Variants in DOCK4 observed in about 807,000 individuals in gnomAD.
DOCK4 encodes the protein dedicator of cytokinesis protein 4.
Under a neutral mutation model 268.1 loss-of-function variants are expected in DOCK4, and 97 were observed. The observed-to-expected ratio is 0.36, with a 90% CI of 0.31 to 0.43. DOCK4 has a LOEUF of 0.43. DOCK4 is among the 20% of genes least tolerant of loss of function. The probability of loss-of-function intolerance (pLI) is 1.00; values close to 1 mark genes in which losing one functional copy is unlikely to be tolerated. For missense variants in DOCK4, 2,145 were observed against 2,455.7 expected (o/e 0.87, Z 2.67); for synonymous variants, 954 against 887.2 (o/e 1.08, Z -1.34).
At chr7:112,195,215 G>A (rs901998861) in intron 1 of DOCK4, among the ~76,000 whole-genome samples, 9 of 152,168 alleles carry the variant, frequency 5.9e-5, no homozygotes, top group African/African-American at 2.2e-4. Context: ...GGAAGCAGAG[G>A]TTGTAGTGAG....
In DOCK4 at chr7:111,977,205, T is replaced by G; in HGVS notation, c.628A>C (p.Met210Leu). The change falls in exon 8 of 53, where the codon ATG becomes CTG. Residue 210 changes from methionine (M) to leucine (L), a missense_variant. Transcript: ENST00000428084. ...HHLFVQMKSLMCSNLGEELEV... is the reference protein window; with the variant it reads ...HHLFVQMKSLLCSNLGEELEV... ...AGCTCCTCTCCCAGGTTGGAACACA[T>G]GAGGCTCTTCATCTGGACAAAGAGG... 3 of 1,612,280 alleles carry G rather than the reference T, an allele frequency of 1.9e-6. No homozygotes were observed. Among genetic ancestry groups the G allele is most frequent in the Non-Finnish European group, 2.5e-6 (3 of 1,179,258 alleles).
chr7:111,739,081 A>G, intron 49 of DOCK4, 53 bp downstream of exon 49: 2 of 1,499,282 alleles, frequency 1.3e-6, no homozygotes, highest in Non-Finnish European at 9.3e-7. Flanking sequence ...GAGATAGGTA[A>G]GCAATTCCAG....
chr7:111,848,125 TC>T (rs1804260660), intron 23 of DOCK4, among the ~76,000 whole-genome samples: 1 of 152,218 alleles, frequency 6.6e-6, no homozygotes, highest in African/African-American at 2.4e-5. Context: ...TTTTCTTCTA[TC>T]CTTTGTCTGT....
At chr7:111,832,422 T>G (rs1802901953) in intron 26 of DOCK4, among the ~76,000 whole-genome samples, 1 of 152,244 alleles carries the variant, frequency 6.6e-6, no homozygotes, top group Non-Finnish European at 1.5e-5. Flanking sequence ...GTTACATCCC[T>G]AGTGCGTGGT....
At chr7:111,890,234 T>C (rs1808181121) in intron 16 of DOCK4, among the ~76,000 whole-genome samples, 1 of 152,228 alleles carries the variant, frequency 6.6e-6, no homozygotes, top group South Asian at 2.1e-4. Context: ...TTCTCTTTTC[T>C]TAACTTTTTC....
At chr7:112,163,895 A>G (rs1280703176) in intron 1 of DOCK4, among the ~76,000 whole-genome samples, 1 of 152,214 alleles carries the variant, frequency 6.6e-6, no homozygotes, top group African/African-American at 2.4e-5. Context: ...TCTAGCACAT[A>G]TTCATCCATC....
chr7:111,886,491 C>A (rs2134321557), intron 16 of DOCK4, among the ~76,000 whole-genome samples: 1 of 152,210 alleles, frequency 6.6e-6, no homozygotes, highest in Non-Finnish European at 1.5e-5. Context: ...CACTAGAAAC[C>A]AGTTCTGCTG....
intron 30 of DOCK4, among the ~76,000 whole-genome samples, chr7:111,791,544 C>A (rs1391815117): frequency 6.6e-6 from 1 of 151,794 alleles, no homozygotes; most frequent in African/African-American, 2.4e-5. Context: ...GCCTCCCAGG[C>A]TGAAGCACAT....
intron 6 of DOCK4, among the ~76,000 whole-genome samples, chr7:111,987,724 T>A (rs924195395): frequency 1.3e-5 from 2 of 152,216 alleles, no homozygotes; most frequent in Non-Finnish European, 2.9e-5. Flanking sequence ...CTTCAACAGA[T>A]GAGGAACTGA....
intron 2 of DOCK4, among the ~76,000 whole-genome samples, chr7:112,002,628 T>C (rs1351026936): frequency 1.3e-5 from 2 of 152,142 alleles, no homozygotes; most frequent in Non-Finnish European, 2.9e-5. Context: ...TCATCTATAA[T>C]AAACCTTGAT....
chr7:112,002,222 C>T (rs1339023536), intron 2 of DOCK4, among the ~76,000 whole-genome samples: 2 of 152,110 alleles, frequency 1.3e-5, no homozygotes, highest in African/African-American at 4.8e-5. Context: ...AAATCAGAAT[C>T]TCTATATCTC....
At chr7:111,926,870 A>AGAAAGGAAGG (rs1562896413) in intron 12 of DOCK4, among the ~76,000 whole-genome samples, 2 of 149,900 alleles carry the variant, frequency 1.3e-5, no homozygotes, top group Admixed American at 1.3e-4. Flanking sequence ...AGAGAGAGAG[A>AGAAAGGAAGG]AAGGAAGGAA....
intron 12 of DOCK4, among the ~76,000 whole-genome samples, chr7:111,916,502 A>G (rs1792598197): frequency 6.6e-6 from 1 of 152,202 alleles, no homozygotes; most frequent in Admixed American, 6.5e-5. Context: ...AGTGAGGAGA[A>G]TTTAGCAGAA....
intron 36 of DOCK4, among the ~76,000 whole-genome samples, chr7:111,770,233 A>G (rs1021505699): frequency 6.7e-6 from 1 of 149,450 alleles, no homozygotes; most frequent in Non-Finnish European, 1.5e-5. Context: ...CAAAAAAAAA[A>G]AAAAAAAGAA....
rs147414353 is a variant in DOCK4, at chr7:111,747,315, A to G, written c.4545T>C (p.Asn1515=). 9.9e-4 allele frequency: 1,604 copies of G among 1,613,740 alleles called. 14 individuals carry two copies. In the African/African-American group the frequency reaches 0.019, roughly 19 times the overall value. The change falls in exon 43 of 53, where the codon AAT becomes AAC. Residue 1515 remains asparagine (N), a synonymous_variant. Coordinates refer to ENST00000428084, the MANE Select transcript of DOCK4 (RefSeq NM_001363540.2). Reference sequence around the variant, plus strand: ...CATTAACTGCAGCATCTATAACTCCATTCAGGCACATAGTCAGGGGATTAA... The same window carrying G: ...CATTAACTGCAGCATCTATAACTCCGTTCAGGCACATAGTCAGGGGATTAA... The part of the protein sequence containing the change: ...QNINPLTMCL[N]GVIDAAVNGG...
intron 1 of DOCK4, among the ~76,000 whole-genome samples, chr7:112,119,223 T>G (rs1484529999): frequency 6.6e-6 from 1 of 152,048 alleles, no homozygotes; most frequent in Non-Finnish European, 1.5e-5. Flanking sequence ...GAGAACTGAA[T>G]AAATGGAGAA....
Position 111,938,280 on chromosome 7 carries a change from GGA to G in DOCK4, c.977+1828_977+1829del, listed in dbSNP as rs779832902. Among the ~76,000 whole-genome samples, 88 of 152,304 alleles carry G rather than the reference GGA, an allele frequency of 5.8e-4. 1 individual carries two copies. The highest frequency in any genetic ancestry group is 1.1e-3 in the Non-Finnish European group (74 of 68,026). On this transcript the variant is annotated intron_variant, in intron 11 of 52. Transcript: ENST00000428084. ...ATGTGTTACATAGGTCCCATTGGAT[GGA>G]GAGTAGAAAAATCCATGAAACCCTG... is the stretch of plus-strand genomic sequence containing the variant.
chr7:111,768,837 C>T (rs1411181325), intron 37 of DOCK4, among the ~76,000 whole-genome samples: 2 of 152,138 alleles, frequency 1.3e-5, no homozygotes, highest in African/African-American at 4.8e-5. Context: ...TCAGAGAATA[C>T]AATATCTGCG....
intron 13 of DOCK4, among the ~76,000 whole-genome samples, chr7:111,907,037 C>T (rs1271773287): frequency 2.6e-5 from 4 of 152,058 alleles, no homozygotes; most frequent in Non-Finnish European, 5.9e-5. Flanking sequence ...TTCATGAGAC[C>T]TTCAAGGAGG....
Sources: gnomAD v4.1 joint callset for allele counts (sites outside exome capture counted in the v4.1 genomes callset) on GRCh38, gnomAD v4.1.1 for gene constraint, MANE v1.5 for transcripts, NCBI Gene and HGNC (gene_info 2026-07-23, HGNC 2026-07-21) for gene names.